The following LPP variants were observed in gnomAD, a reference collection of about 807,000 sequenced individuals.
The protein encoded by LPP is LIM domain containing preferred translocation partner in lipoma, also known as lipoma-preferred partner.
LPP carries 38 observed loss-of-function variants against 60.4 expected under a neutral mutation model. That is an observed-to-expected ratio of 0.63 (90% CI 0.49 to 0.83). The LOEUF is 0.83. Ranked by LOEUF, LPP falls within the 40% of genes least tolerant of loss-of-function variation. The probability of loss-of-function intolerance (pLI) is 0.00; values close to 1 mark genes in which losing one functional copy is unlikely to be tolerated. For missense variants in LPP, 902 were observed against 783.6 expected (o/e 1.15, Z -1.80); for synonymous variants, 328 against 290.8 (o/e 1.13, Z -1.30).
intron 7 of LPP, among the ~76,000 whole-genome samples, chr3:188,705,868 T>C (rs1290605640): frequency 6.6e-6 from 1 of 152,082 alleles, no homozygotes; most frequent in African/African-American, 2.4e-5. Flanking sequence ...CTGCCAGCCT[T>C]GATTTCCCAA....
intron 8 of LPP, among the ~76,000 whole-genome samples, chr3:188,751,570 A>G (rs17672236): frequency 0.64 from 97,989 of 152,088 alleles, 31,995 homozygotes; most frequent in East Asian, 0.99. Flanking sequence ...CTGGCCAGAT[A>G]ATTTTAGGAA....
intron 3 of LPP, among the ~76,000 whole-genome samples, chr3:188,366,437 C>T (rs1771192423): frequency 6.6e-6 from 1 of 152,128 alleles, no homozygotes; most frequent in Non-Finnish European, 1.5e-5. Flanking sequence ...TTTCCCTCAC[C>T]TGGAGGTTAT....
At chr3:188,485,796 C>CAAAAAAAAAAAAAAAAAAAAAAAAAAAA (rs766522013) in intron 5 of LPP, among the ~76,000 whole-genome samples, 3 of 40,154 alleles carry the variant, frequency 7.5e-5, no homozygotes, top group African/African-American at 1.1e-4. Flanking sequence ...GACTCCGTCT[C>CAAAAAAAAAAAAAAAAAAAAAAAAAAAA]AAAAAAAAAA....
rs182608152 is a variant in LPP at position 188,422,707 on chromosome 3, G to T, written c.193+16394G>T. ...GAGCTACATAGTGTAACGATCTCTG[G>T]AATCTCAAATGAATGTGCTCCCTTT... On this transcript the variant is annotated intron_variant, in intron 4 of 11. Coordinates refer to ENST00000617246, the MANE Select transcript of LPP (RefSeq NM_001375462.1). Among the ~76,000 whole-genome samples the T allele has an allele frequency of 2.9e-3, 443 of 152,214 alleles. 2 individuals are homozygous for T. The highest frequency in any genetic ancestry group is 0.01 in the African/African-American group (421 of 41,542).
At chr3:188,307,965 G>T (rs1390385047) in intron 2 of LPP, among the ~76,000 whole-genome samples, 1 of 152,156 alleles carries the variant, frequency 6.6e-6, no homozygotes, top group African/African-American at 2.4e-5. Context: ...GTGCGTGTGT[G>T]TAATTTCGGG....
At chr3:188,492,566 T>C (rs1015278434) in intron 5 of LPP, among the ~76,000 whole-genome samples, 5 of 151,984 alleles carry the variant, frequency 3.3e-5, no homozygotes, top group African/African-American at 7.3e-5. Context: ...TGTGGTCGTG[T>C]GTGCCTGTAA....
intron 7 of LPP, among the ~76,000 whole-genome samples, chr3:188,625,715 A>G (rs1846711210): frequency 6.6e-6 from 1 of 152,178 alleles, no homozygotes; most frequent in African/African-American, 2.4e-5. Context: ...CATGAAATTC[A>G]TTAAACAGGA....
In LPP at chr3:188,597,940, A is replaced by G. The variant is rs1265794908; in HGVS notation, c.430-11221A>G. ...AAGGAACACTAAATAAGTAATTGCAAAACAAGACGTAAGGGTTATCATAAG... is the reference window on the plus strand; with the variant it reads ...AAGGAACACTAAATAAGTAATTGCAGAACAAGACGTAAGGGTTATCATAAG... On this transcript the variant is annotated intron_variant, in intron 6 of 11. Coordinates refer to ENST00000617246, the MANE Select transcript of LPP (RefSeq NM_001375462.1). Among the ~76,000 whole-genome samples the G allele has an allele frequency of 3.3e-5, 5 of 152,194 alleles. No homozygotes were observed. In the East Asian group the frequency reaches 9.6e-4, roughly 29 times the overall value.
intron 9 of LPP, among the ~76,000 whole-genome samples, chr3:188,811,680 T>G (rs1751030873): frequency 6.6e-6 from 1 of 152,030 alleles, no homozygotes; most frequent in African/African-American, 2.4e-5. Flanking sequence ...GTCGAAAACT[T>G]TCTCATCTTA....
chr3:188,604,097 A>G (rs567303172), intron 6 of LPP, among the ~76,000 whole-genome samples: 1 of 152,066 alleles, frequency 6.6e-6, no homozygotes, highest in East Asian at 1.9e-4. Flanking sequence ...AATCACTTTT[A>G]CTCATCACAC....
At chr3:188,431,523 G>A (rs1024092879) in intron 4 of LPP, among the ~76,000 whole-genome samples, 2 of 152,092 alleles carry the variant, frequency 1.3e-5, no homozygotes, top group African/African-American at 4.8e-5. Flanking sequence ...GAATTATGCA[G>A]GGATGGTCCA....
intron 6 of LPP, among the ~76,000 whole-genome samples, chr3:188,581,148 T>C (rs527764619): frequency 6.6e-6 from 1 of 152,114 alleles, no homozygotes; most frequent in Admixed American, 6.6e-5. Context: ...AGTCTTTTTC[T>C]ACAGAATTTA....
intron 1 of LPP, among the ~76,000 whole-genome samples, chr3:188,184,673 G>A (rs532909522): frequency 6.7e-6 from 1 of 149,228 alleles, no homozygotes; most frequent in African/African-American, 2.4e-5. Flanking sequence ...AAGTGAATAG[G>A]GCTCCGGTAA....
intron 2 of LPP, among the ~76,000 whole-genome samples, chr3:188,282,147 C>T (rs1742327487): frequency 6.6e-6 from 1 of 150,876 alleles, no homozygotes; most frequent in African/African-American, 2.4e-5. Flanking sequence ...CAATACTTTC[C>T]TACCTTTCAT....
At chr3:188,757,909 T>TTTTTTTTC (rs1372528441) in intron 8 of LPP, among the ~76,000 whole-genome samples, 10 of 147,864 alleles carry the variant, frequency 6.8e-5, no homozygotes, top group African/African-American at 2.3e-4. Flanking sequence ...TTTTTTTTTT[T>TTTTTTTTC]CAGAATAATT....
At chr3:188,765,257 G>T (rs1217394617) in intron 9 of LPP, among the ~76,000 whole-genome samples, 1 of 151,190 alleles carries the variant, frequency 6.6e-6, no homozygotes, top group Non-Finnish European at 1.5e-5. Context: ...CCTCCAAGGA[G>T]TGTTTGTCTG....
chr3:188,464,432 G>A (rs921850720), intron 4 of LPP, among the ~76,000 whole-genome samples: 38 of 152,130 alleles, frequency 2.5e-4, no homozygotes, highest in African/African-American at 8.7e-4. Flanking sequence ...GCAAGTATTA[G>A]GACAGTATGG....
intron 1 of LPP, among the ~76,000 whole-genome samples, 146 bp downstream of exon 1, chr3:188,154,398 C>G (rs1488101925): frequency 6.6e-6 from 1 of 152,098 alleles, no homozygotes; most frequent in Non-Finnish European, 1.5e-5. Context: ...TGCGGAAGTG[C>G]CGGCCGCGGC....
At chr3:188,287,807 G>A (rs1744475423) in intron 2 of LPP, among the ~76,000 whole-genome samples, 1 of 152,084 alleles carries the variant, frequency 6.6e-6, no homozygotes, top group African/African-American at 2.4e-5. Flanking sequence ...AGACAACATT[G>A]ATTTCATATA....
Sources: gnomAD v4.1 joint callset for allele counts (sites outside exome capture counted in the v4.1 genomes callset) on GRCh38, gnomAD v4.1.1 for gene constraint, MANE v1.5 for transcripts, NCBI Gene and HGNC (gene_info 2026-07-23, HGNC 2026-07-21) for gene names.